The following RASA2 variants were observed in gnomAD, a reference collection of about 807,000 sequenced individuals.
RASA2 encodes RAS p21 protein activator 2.
Under a neutral mutation model 118.2 loss-of-function variants are expected in RASA2, and 155 were observed. That is an observed-to-expected ratio of 1.31 (90% CI 1.15 to 1.50). RASA2 has a LOEUF of 1.50. RASA2 is among the 40% of genes most tolerant of loss of function. RASA2 has a pLI of 0.00. For synonymous variants in RASA2, 353 were observed against 349.1 expected (o/e 1.01, Z -0.12); for missense variants, 1,016 against 1,009.6 (o/e 1.01, Z -0.09).
intron 19 of RASA2, among the ~76,000 whole-genome samples, chr3:141,600,926 A>T (rs2083452945): frequency 6.6e-6 from 1 of 152,200 alleles, no homozygotes; most frequent in East Asian, 1.9e-4. Flanking sequence ...AGTAATCAAG[A>T]TTGTAGGTTT....
intron 8 of RASA2, among the ~76,000 whole-genome samples, chr3:141,559,241 A>G (rs1361059011): frequency 6.6e-6 from 1 of 152,092 alleles, no homozygotes; most frequent in African/African-American, 2.4e-5. Flanking sequence ...TGTTCCTTAC[A>G]TTTCTGGATT....
chr3:141,522,831 G>A (rs920303950), intron 3 of RASA2, among the ~76,000 whole-genome samples: 80 of 152,242 alleles, frequency 5.3e-4, no homozygotes, highest in African/African-American at 1.8e-3. Flanking sequence ...ACTGGACTGA[G>A]GGCTTTTCTG....
At chr3:141,583,914 C>T (rs952794052) in intron 17 of RASA2, among the ~76,000 whole-genome samples, 1 of 152,010 alleles carries the variant, frequency 6.6e-6, no homozygotes, top group Non-Finnish European at 1.5e-5. Flanking sequence ...TTTGTAATAT[C>T]CATCTAATGA....
rs1366035754 is a variant in RASA2 at position 141,529,650 on chromosome 3, T to C, written c.356-58T>C. ...AAAGTATTATATAAAACAGTGCTAATGAGTCTTAGGATTATACGAAGCATG... is the reference window on the plus strand; with the variant it reads ...AAAGTATTATATAAAACAGTGCTAACGAGTCTTAGGATTATACGAAGCATG... On this transcript the variant is annotated intron_variant, in intron 3 of 23. Transcript: ENST00000286364. 2.5e-6 allele frequency: 3 copies of C among 1,199,430 alleles called. No homozygotes were observed. In the East Asian group the frequency reaches 7.0e-5, roughly 28 times the overall value. The allele number at this position is 1,199,430 out of a possible 1,614,324, so 74.3% of individuals were successfully genotyped here.
At chr3:141,531,104 C>T (rs539482218) in intron 4 of RASA2, among the ~76,000 whole-genome samples, 8 of 152,146 alleles carry the variant, frequency 5.3e-5, no homozygotes, top group African/African-American at 1.9e-4. Flanking sequence ...ACCAGTCAGT[C>T]TGGTGGCTAT....
In RASA2 at chr3:141,612,397, T is replaced by G; in HGVS notation, c.*84T>G. The G allele has an allele frequency of 8.7e-7, 1 of 1,145,076 alleles. No individual in the cohort carries two copies. Among genetic ancestry groups the G allele is most frequent in the Non-Finnish European group, 1.3e-6 (1 of 796,988 alleles). 70.9% of individuals were successfully genotyped at this position (1,145,076 alleles called of 1,614,324 possible). A position where few individuals can be genotyped will look rare whatever the true frequency, so the allele number is the denominator to read the frequency against. On this transcript the variant is annotated 3_prime_UTR_variant, in exon 24 of 24. Transcript: ENST00000286364. ...TTCATCATGTATTTTGTTCATGGTA[T>G]TTAAGAATGAGCATCCGCTTCAATG...
At chr3:141,586,573 T>G in intron 18 of RASA2, 73 bp from the exon 19 acceptor site, 2 of 1,001,888 alleles carry the variant, frequency 2.0e-6, no homozygotes, top group Non-Finnish European at 3.0e-6. Flanking sequence ...CATTTAAAGT[T>G]AAAGGATACT....
At chr3:141,562,223 A>G (rs907960291) in intron 9 of RASA2, among the ~76,000 whole-genome samples, 4 of 150,670 alleles carry the variant, frequency 2.7e-5, no homozygotes, top group Non-Finnish European at 5.9e-5. Flanking sequence ...AAGTGCTGGG[A>G]TTGTGAGCCA....
intron 1 of RASA2, among the ~76,000 whole-genome samples, chr3:141,497,681 G>A (rs2081723702): frequency 6.7e-6 from 1 of 150,128 alleles, no homozygotes; most frequent in Non-Finnish European, 1.5e-5. Flanking sequence ...GGGCCACATG[G>A]CAAAACTCCG....
At chr3:141,560,585 TAAC>T (rs1174383462) in intron 9 of RASA2, among the ~76,000 whole-genome samples, 4 of 152,194 alleles carry the variant, frequency 2.6e-5, no homozygotes, top group Non-Finnish European at 4.4e-5. Flanking sequence ...ACTCTAATAA[TAAC>T]ATTACACTGA....
intron 1 of RASA2, among the ~76,000 whole-genome samples, chr3:141,507,644 C>A (rs545568934): frequency 6.6e-6 from 1 of 152,324 alleles, no homozygotes; most frequent in Non-Finnish European, 1.5e-5. Flanking sequence ...CCCTGCCTAC[C>A]ACAACCTGTA....
At chr3:141,592,584 A>C (rs73871839) in intron 19 of RASA2, among the ~76,000 whole-genome samples, 1 of 152,222 alleles carries the variant, frequency 6.6e-6, no homozygotes, top group African/African-American at 2.4e-5. Flanking sequence ...TGAAGGGCAC[A>C]AGGAGAGCAG....
At chr3:141,588,291 C>T (rs2083236814) in intron 19 of RASA2, among the ~76,000 whole-genome samples, 1 of 152,156 alleles carries the variant, frequency 6.6e-6, no homozygotes, top group East Asian at 1.9e-4. Flanking sequence ...TGTCTCTTTA[C>T]ATAAAGTAAA....
At chr3:141,531,982 A>G (rs908764320) in intron 4 of RASA2, among the ~76,000 whole-genome samples, 1 of 152,104 alleles carries the variant, frequency 6.6e-6, no homozygotes, top group Admixed American at 6.6e-5. Flanking sequence ...ATGAAACATA[A>G]GAGCAATTAA....
At chr3:141,591,423 G>A (rs1481025263) in intron 19 of RASA2, among the ~76,000 whole-genome samples, 2 of 152,006 alleles carry the variant, frequency 1.3e-5, no homozygotes, top group African/African-American at 2.4e-5. Flanking sequence ...CTTCAGCTAC[G>A]TGGCATTACT....
rs1161271129 is a variant in RASA2, at chr3:141,555,862, G to C, written c.634G>C (p.Val212Leu). The C allele has an allele frequency of 6.2e-7, 1 of 1,612,522 alleles. No individual in the cohort carries two copies. The highest frequency in any genetic ancestry group is 1.1e-5 in the South Asian group (1 of 90,982). ...CAGGAATGACCAAAAGAAGACAAAA[G>C]TAAAGAAGAAAACAAGCAATCCGCA... ...PSRNDQKKTK[V>L]KKKTSNPQFN... Residue 212 changes from valine (V) to leucine (L), a missense_variant, in exon 7 of 24, where the codon GTA becomes CTA. By Grantham distance (32) the Val-to-Leu change is conservative (BLOSUM62 1). Coordinates refer to ENST00000286364, the MANE Select transcript of RASA2 (RefSeq NM_006506.5).
At chr3:141,512,731 T>A (rs185366346) in intron 2 of RASA2, among the ~76,000 whole-genome samples, 22 of 152,292 alleles carry the variant, frequency 1.4e-4, no homozygotes, top group Non-Finnish European at 2.6e-4. Flanking sequence ...ATAATTCTAG[T>A]GCAGAGTTGT....
Position 141,534,372 on chromosome 3 carries a change from A to AG in RASA2, c.450+4578dup, listed in dbSNP as rs375075653. 6.8e-4 allele frequency among the ~76,000 whole-genome samples: 103 copies of AG among 151,810 alleles called. 1 individual carries two copies. The highest frequency in any genetic ancestry group is 1.5e-3 in the South Asian group (7 of 4,804). On this transcript the variant is annotated intron_variant, in intron 4 of 23. Transcript: ENST00000286364. Reference sequence around the variant, plus strand: ...CAACATAGCAAGACCCCATCTTTATAGGGGGGGGAAAAAGAGTGATTAAAC... The same window carrying AG: ...CAACATAGCAAGACCCCATCTTTATAGGGGGGGGGAAAAAGAGTGATTAAAC...
chr3:141,605,699 C>T (rs1374354060), intron 19 of RASA2, among the ~76,000 whole-genome samples: 1 of 151,918 alleles, frequency 6.6e-6, no homozygotes, highest in Non-Finnish European at 1.5e-5. Context: ...CAGATGTTAT[C>T]CTCCTTTGTT....
Sources: gnomAD v4.1 joint callset for allele counts (sites outside exome capture counted in the v4.1 genomes callset) on GRCh38, gnomAD v4.1.1 for gene constraint, MANE v1.5 for transcripts, NCBI Gene and HGNC (gene_info 2026-07-23, HGNC 2026-07-21) for gene names.